Variants in SOX5 observed in about 807,000 individuals in gnomAD.
SOX5 encodes the protein SRY-box transcription factor 5.
SOX5 carries 9 observed loss-of-function variants against 92.0 expected under a neutral mutation model. That is an observed-to-expected ratio of 0.10 (90% CI 0.06 to 0.17). The LOEUF is 0.17. SOX5 is among the 10% of genes least tolerant of loss of function. The pLI is 1.00. For missense variants in SOX5, 642 were observed against 944.5 expected (o/e 0.68, Z 4.20); for synonymous variants, 344 against 336.3 (o/e 1.02, Z -0.25).
chr12:24,205,790 G>A (rs1054861027), intron 4 of SOX5, among the ~76,000 whole-genome samples: 1 of 152,110 alleles, frequency 6.6e-6, no homozygotes, highest in Non-Finnish European at 1.5e-5. Context: ...CTGGCTCCTC[G>A]GATACATGCA....
chr12:24,519,685 C>T (rs1199306602), intron 1 of SOX5, among the ~76,000 whole-genome samples: 1 of 152,166 alleles, frequency 6.6e-6, no homozygotes, highest in Non-Finnish European at 1.5e-5. Flanking sequence ...AATAACAAAT[C>T]ATTAAGGCCT....
intron 1 of SOX5, among the ~76,000 whole-genome samples, chr12:23,932,997 C>T (rs1446337842): frequency 7.3e-5 from 11 of 151,620 alleles, no homozygotes; most frequent in Admixed American, 7.3e-4. Context: ...CTACTCTTCC[C>T]TATAGTAGCC....
chr12:23,590,760 T>C, intron 9 of SOX5, among the ~76,000 whole-genome samples: 1 of 152,066 alleles, frequency 6.6e-6, no homozygotes, highest in East Asian at 1.9e-4. Context: ...TTTTGACATC[T>C]TCTAAAAGTA....
At chr12:24,473,876 T>G (rs1945072643) in intron 1 of SOX5, among the ~76,000 whole-genome samples, 1 of 152,248 alleles carries the variant, frequency 6.6e-6, no homozygotes, top group African/African-American at 2.4e-5. Context: ...CAAGATACTC[T>G]GCATGTCTGA....
intron 4 of SOX5, among the ~76,000 whole-genome samples, chr12:24,170,057 T>C (rs1338711744): frequency 6.6e-6 from 1 of 152,134 alleles, no homozygotes; most frequent in Non-Finnish European, 1.5e-5. Context: ...CACCTTTAAG[T>C]ACAGCAGGTT....
rs181067164 is a variant in SOX5, at chr12:24,231,491, T to C, written c.-76-18074A>G. On this transcript the variant is annotated intron_variant, in intron 3 of 4. Transcript: ENST00000446891. ...AATGCTATACAATCAAAAGGAAGTATAGGCTAGAGGTTTACCATTGGCTGC... is the reference window on the plus strand; with the variant it reads ...AATGCTATACAATCAAAAGGAAGTACAGGCTAGAGGTTTACCATTGGCTGC... 7.2e-5 allele frequency among the ~76,000 whole-genome samples: 11 copies of C among 152,312 alleles called. No homozygotes were observed. The East Asian group carries it at 1.9e-3, about 27-fold the overall frequency.
chr12:24,188,596 TA>T (rs540210430), intron 4 of SOX5, among the ~76,000 whole-genome samples: 1 of 151,376 alleles, frequency 6.6e-6, no homozygotes, highest in South Asian at 2.1e-4. Flanking sequence ...CAAGTAGAAA[TA>T]AAAAAAACAG....
chr12:24,509,898 A>G (rs1198854235), intron 1 of SOX5, among the ~76,000 whole-genome samples: 2 of 152,382 alleles, frequency 1.3e-5, no homozygotes, highest in East Asian at 3.9e-4. Context: ...ATCTATTTAC[A>G]GTCATAAAGT....
At chr12:23,923,725 A>G (rs1289562602) in intron 1 of SOX5, among the ~76,000 whole-genome samples, 1 of 152,110 alleles carries the variant, frequency 6.6e-6, no homozygotes, top group Non-Finnish European at 1.5e-5. Context: ...TATATGTTTT[A>G]TATCCTGTAT....
intron 1 of SOX5, among the ~76,000 whole-genome samples, chr12:24,505,911 C>A (rs1948697356): frequency 1.4e-5 from 2 of 139,648 alleles, no homozygotes; most frequent in African/African-American, 5.5e-5. Flanking sequence ...GCAACCCCAA[C>A]CACGGCTTCT....
At chr12:23,860,645 T>C (rs947828928) in intron 2 of SOX5, among the ~76,000 whole-genome samples, 3 of 152,142 alleles carry the variant, frequency 2.0e-5, no homozygotes, top group Admixed American at 6.6e-5. Context: ...TTGAGATCTT[T>C]AAATTTGTAT....
chr12:24,204,724 T>C (rs929292659), intron 4 of SOX5, among the ~76,000 whole-genome samples: 1 of 152,182 alleles, frequency 6.6e-6, no homozygotes, highest in Non-Finnish European at 1.5e-5. Flanking sequence ...TGTAGATTTG[T>C]TTAGACATCA....
At chr12:24,003,265 C>T (rs771668258) in intron 4 of SOX5, among the ~76,000 whole-genome samples, 3 of 152,054 alleles carry the variant, frequency 2.0e-5, no homozygotes, top group East Asian at 1.9e-4. Flanking sequence ...GCTGTTTGCT[C>T]GCATGATTTC....
At chr12:23,779,985 G>GTA (rs1340123189) in intron 3 of SOX5, among the ~76,000 whole-genome samples, 1 of 148,754 alleles carries the variant, frequency 6.7e-6, no homozygotes, top group African/African-American at 2.5e-5. Flanking sequence ...GTGTGTGTGT[G>GTA]TGTGTATTTG....
At chr12:24,096,290 C>T (rs7954648) in intron 4 of SOX5, among the ~76,000 whole-genome samples, 117,468 of 151,986 alleles carry the variant, frequency 0.77, 46,200 homozygotes, top group East Asian at 1. Flanking sequence ...TTAATTCTTA[C>T]TGTGGTAAAA....
chr12:24,143,703 CA>C (rs965791585), intron 4 of SOX5, among the ~76,000 whole-genome samples: 11 of 151,768 alleles, frequency 7.2e-5, no homozygotes, highest in Non-Finnish European at 1.5e-4. Context: ...AAAAATGACT[CA>C]AAAAAATGAA....
At chr12:23,851,636 A>G (rs2096634801) in intron 2 of SOX5, among the ~76,000 whole-genome samples, 1 of 152,112 alleles carries the variant, frequency 6.6e-6, no homozygotes, top group Admixed American at 6.5e-5. Context: ...TTTTGTCTGA[A>G]ACATAGCTAA....
At chr12:23,614,048 A>G (rs1237910827) in intron 8 of SOX5, among the ~76,000 whole-genome samples, 2 of 152,138 alleles carry the variant, frequency 1.3e-5, no homozygotes, top group South Asian at 2.1e-4. Context: ...GCTCCATTCA[A>G]GAGACAAGGA....
chr12:24,171,225 GT>G lies in SOX5; in HGVS notation c.-2+42117del, dbSNP rs796864348. Among the ~76,000 whole-genome samples the G allele has an allele frequency of 5.1e-4, 25 of 48,982 alleles. 2 individuals are homozygous for G. The highest frequency in any genetic ancestry group is 3.3e-3 in the East Asian group (3 of 900). 32.1% of individuals were successfully genotyped at this position (48,982 alleles called of 152,430 possible). ...GGCCAACAGTTTTTTTTGTTTGTTTGTTTGTTTTTTTTTTTGGAGACAGAGT... is the reference window on the plus strand; with the variant it reads ...GGCCAACAGTTTTTTTTGTTTGTTTGTTGTTTTTTTTTTTGGAGACAGAGT... On this transcript the variant is annotated intron_variant, in intron 4 of 4. Coordinates refer to the SOX5 transcript ENST00000446891.
Sources: allele counts gnomAD v4.1 joint callset (sites outside exome capture counted in the v4.1 genomes callset), GRCh38; gene constraint gnomAD v4.1.1; transcripts MANE v1.5; gene names NCBI Gene and HGNC (gene_info 2026-07-23, HGNC 2026-07-21).